Variants in PKHD1 observed in about 807,000 individuals in gnomAD.
The protein encoded by PKHD1 is fibrocystin.
Under a neutral mutation model 412.0 loss-of-function variants are expected in PKHD1, and 291 were observed. The observed-to-expected ratio is 0.71, with a 90% CI of 0.64 to 0.78. The LOEUF (loss-of-function observed/expected upper bound fraction) is 0.78. Ranked by LOEUF, PKHD1 falls within the 30% of genes least tolerant of loss-of-function variation. PKHD1 has a pLI of 0.00. For missense variants in PKHD1, 4,825 were observed against 4,950.7 expected, an observed-to-expected ratio of 0.97 and a Z score of 0.76; for synonymous variants, 1,777 against 1,821.5, an observed-to-expected ratio of 0.98 and a Z score of 0.62.
chr6:51,649,716 G>A (rs1258209454), intron 61 of PKHD1, among the ~76,000 whole-genome samples: 1 of 152,064 alleles, frequency 6.6e-6, no homozygotes, highest in South Asian at 2.1e-4. Flanking sequence ...AGCAGAGCTG[G>A]GAAGAGATGC....
At chr6:51,844,424 A>G (rs1000015284) in intron 50 of PKHD1, among the ~76,000 whole-genome samples, 1 of 152,218 alleles carries the variant, frequency 6.6e-6, no homozygotes, top group Non-Finnish European at 1.5e-5. Context: ...TTGTATGCGT[A>G]TGATTTTTTT....
rs1051197266 is a variant in PKHD1 at position 51,779,944 on chromosome 6, TA to T, written c.8441-4024del. 4.1e-4 allele frequency among the ~76,000 whole-genome samples: 63 copies of T among 152,308 alleles called. 2 individuals carry two copies. Among genetic ancestry groups the T allele is most frequent in the African/African-American group, 1.4e-3 (58 of 41,582 alleles). ...AAAAAAACTGATCATATGATGATGA[TA>T]AAGCAGTTTAACAAATTTTTAAAAA... On this transcript the variant is annotated intron_variant, in intron 53 of 66. Coordinates refer to ENST00000371117, the MANE Select transcript of PKHD1 (RefSeq NM_138694.4).
chr6:51,914,624 T>C (rs1182319040), intron 37 of PKHD1, among the ~76,000 whole-genome samples: 1 of 152,124 alleles, frequency 6.6e-6, no homozygotes, highest in Non-Finnish European at 1.5e-5. Flanking sequence ...ATTACATCCC[T>C]TCTTTGTCCA....
intron 60 of PKHD1, among the ~76,000 whole-genome samples, chr6:51,667,390 T>C (rs1192015260): frequency 6.6e-6 from 1 of 151,232 alleles, no homozygotes; most frequent in Non-Finnish European, 1.5e-5. Context: ...TTTAATGGGG[T>C]TGTTTGTTTT....
intron 55 of PKHD1, among the ~76,000 whole-genome samples, chr6:51,760,660 T>G (rs1005608808): frequency 1.3e-5 from 2 of 151,990 alleles, no homozygotes; most frequent in Non-Finnish European, 2.9e-5. Flanking sequence ...AGTGCTGCAA[T>G]GAGAATGTAG....
At chr6:51,929,575 G>A (rs75691259) in intron 37 of PKHD1, among the ~76,000 whole-genome samples, 12 of 152,098 alleles carry the variant, frequency 7.9e-5, no homozygotes, top group African/African-American at 2.7e-4. Context: ...ACATGTGCCT[G>A]TTCCACACAC....
At chr6:51,691,827 C>T (rs17740622) in intron 60 of PKHD1, among the ~76,000 whole-genome samples, 4,739 of 152,134 alleles carry the variant, frequency 0.031, 80 homozygotes, top group Non-Finnish European at 0.039. Flanking sequence ...AAGTGGGATT[C>T]GATTAAGTAA....
At chr6:52,083,592 A>G (rs1812345838) in intron 2 of PKHD1, among the ~76,000 whole-genome samples, 1 of 150,984 alleles carries the variant, frequency 6.6e-6, no homozygotes, top group African/African-American at 2.4e-5. Context: ...AAGAGCCTCA[A>G]GGACATATTT....
At chr6:51,777,503 T>A (rs1791228906) in intron 53 of PKHD1, among the ~76,000 whole-genome samples, 1 of 151,960 alleles carries the variant, frequency 6.6e-6, no homozygotes, top group South Asian at 2.1e-4. Flanking sequence ...GCCTGATGCA[T>A]CATCTTAGTG....
At chr6:51,922,964 C>T (rs1029429000) in intron 37 of PKHD1, among the ~76,000 whole-genome samples, 1 of 152,176 alleles carries the variant, frequency 6.6e-6, no homozygotes, top group African/African-American at 2.4e-5. Flanking sequence ...CCAACAAGTC[C>T]CATTGAGATG....
At chr6:51,881,691 T>TAGGAAAC (rs1288147040) in intron 46 of PKHD1, among the ~76,000 whole-genome samples, 1 of 152,202 alleles carries the variant, frequency 6.6e-6, no homozygotes, top group Non-Finnish European at 1.5e-5. Context: ...GGCATGAACC[T>TAGGAAAC]TAAACTGCCA....
intron 60 of PKHD1, among the ~76,000 whole-genome samples, chr6:51,742,011 C>T (rs377133649): frequency 1.1e-4 from 17 of 152,160 alleles, no homozygotes; most frequent in African/African-American, 3.9e-4. Flanking sequence ...AGCATAAATA[C>T]CTGTAATGGT....
chr6:51,641,994 T>C (rs1008177136), intron 63 of PKHD1, among the ~76,000 whole-genome samples: 10 of 152,020 alleles, frequency 6.6e-5, no homozygotes, highest in African/African-American at 1.9e-4. Context: ...TGTATACCTA[T>C]GTAACAAACC....
chr6:52,029,421 C>T (rs1802713761), intron 29 of PKHD1, among the ~76,000 whole-genome samples: 1 of 152,042 alleles, frequency 6.6e-6, no homozygotes, highest in African/African-American at 2.4e-5. Context: ...CAGACTCTGC[C>T]CTCAAAGAAG....
In PKHD1 at chr6:51,840,796, G is replaced by A. The variant is rs373941730; in HGVS notation, c.8108-4327C>T. On this transcript the variant is annotated intron_variant, in intron 50 of 66. Transcript: ENST00000371117. ...GGAAAAGATCCTTACTTCACAATTCGTACTTTTTATCAATTATACCAAACC... is the reference window on the plus strand; with the variant it reads ...GGAAAAGATCCTTACTTCACAATTCATACTTTTTATCAATTATACCAAACC... Among the ~76,000 whole-genome samples the A allele has an allele frequency of 8.3e-4, 127 of 152,208 alleles. 1 individual carries two copies. Among genetic ancestry groups the A allele is most frequent in the African/African-American group, 2.7e-3 (110 of 41,506 alleles).
chr6:51,906,284 A>C lies in PKHD1; in HGVS notation c.6739T>G (p.Cys2247Gly). The C allele has an allele frequency of 6.2e-7, 1 of 1,609,480 alleles. No individual in the cohort carries two copies. The highest frequency in any genetic ancestry group is 2.2e-5 in the East Asian group (1 of 44,840). ...RNSFSRGLSM[C>G]GTLGLKVDSN... ...TCCACCTTCAGGCCCAAGGTCCCGCACATGCTGAGGCCTCTACTGAAGGAG... is the reference window on the plus strand; with the variant it reads ...TCCACCTTCAGGCCCAAGGTCCCGCCCATGCTGAGGCCTCTACTGAAGGAG... The change falls in exon 41 of 67, where the codon TGC becomes GGC. Residue 2247 changes from cysteine to glycine, a missense_variant. Coordinates refer to ENST00000371117, the MANE Select transcript of PKHD1 (RefSeq NM_138694.4).
chr6:51,841,705 C>G (rs966524435), intron 50 of PKHD1, among the ~76,000 whole-genome samples: 1 of 152,196 alleles, frequency 6.6e-6, no homozygotes. Flanking sequence ...ATTCTGATTC[C>G]GCTCTGCCTA....
intron 35 of PKHD1, among the ~76,000 whole-genome samples, chr6:51,971,938 C>G (rs1356689360): frequency 6.6e-6 from 1 of 151,966 alleles, no homozygotes; most frequent in African/African-American, 2.4e-5. Context: ...TGCCATGTTT[C>G]CCTGGCTGGT....
Position 52,053,201 on chromosome 6 carries a change from C to G in PKHD1, c.2015G>C (p.Gly672Ala), listed in dbSNP as rs1417325693. The change falls in exon 21 of 67, where the codon GGG becomes GCG. Residue 672 changes from glycine (G) to alanine (A), a missense_variant. Coordinates refer to ENST00000371117, the MANE Select transcript of PKHD1 (RefSeq NM_138694.4). ...GTTTGCCGGAGGGGGCTGGAGATCC[C>G]CGAAGCAACGCACACAAGTCTCCCA... ...DLWETCVRCFGDLQPPPANSP... is the reference protein window; with the variant it reads ...DLWETCVRCFADLQPPPANSP... 1 of 1,614,190 alleles carries G rather than the reference C, an allele frequency of 6.2e-7. No homozygotes were observed. Among genetic ancestry groups the G allele is most frequent in the Non-Finnish European group, 8.5e-7 (1 of 1,180,018 alleles).
Sources: gnomAD v4.1 joint callset for allele counts (sites outside exome capture counted in the v4.1 genomes callset) on GRCh38, gnomAD v4.1.1 for gene constraint, MANE v1.5 for transcripts, NCBI Gene and HGNC (gene_info 2026-07-23, HGNC 2026-07-21) for gene names.